The following LTF variants were observed in gnomAD, a reference collection of about 807,000 sequenced individuals.
LTF encodes epididymis luminal protein 110.
A neutral mutation model predicts 87.2 loss-of-function variants in LTF; 91 were observed. The ratio of observed to expected loss-of-function variants is 1.04; its 90% CI spans 0.88 to 1.24. LTF has a LOEUF of 1.24. Among genes scored for constraint, LTF ranks in the 50% most tolerant of loss-of-function variants. The pLI is 0.00. For missense variants in LTF, 901 were observed against 904.3 expected, an observed-to-expected ratio of 1.00 and a Z score of 0.05; for synonymous variants, 378 against 356.1, an observed-to-expected ratio of 1.06 and a Z score of -0.69.
chr3:46,439,694 C>G (rs537706370), intron 14 of LTF, among the ~76,000 whole-genome samples: 1 of 152,300 alleles, frequency 6.6e-6, no homozygotes, highest in Admixed American at 6.5e-5. Context: ...GAATGTTATT[C>G]AGCAATAAAA....
At chr3:46,473,821 A>G (rs115884168) in intron 1 of LTF, among the ~76,000 whole-genome samples, 152 of 152,340 alleles carry the variant, frequency 1.0e-3, no homozygotes, top group African/African-American at 3.3e-3. Flanking sequence ...TTGCCATTTA[A>G]GCTAACATAT....
At chr3:46,457,887 C>G (rs1393751927) in intron 2 of LTF, among the ~76,000 whole-genome samples, 1 of 152,114 alleles carries the variant, frequency 6.6e-6, no homozygotes, top group Non-Finnish European at 1.5e-5. Flanking sequence ...AAGCGATTCT[C>G]TTGCCTCAGC....
chr3:46,481,861 T>C (rs183693834), intron 1 of LTF, among the ~76,000 whole-genome samples: 1 of 152,324 alleles, frequency 6.6e-6, no homozygotes, highest in Non-Finnish European at 1.5e-5. Flanking sequence ...TAATGACTAA[T>C]GTGGGCTGGC....
chr3:46,462,068 C>T (rs1186052517), intron 1 of LTF, among the ~76,000 whole-genome samples: 1 of 152,152 alleles, frequency 6.6e-6, no homozygotes, highest in Non-Finnish European at 1.5e-5. Flanking sequence ...CGGGGAAATC[C>T]CAGGGAATAT....
chr3:46,443,047 G>A (rs1219748732), intron 13 of LTF, among the ~76,000 whole-genome samples: 1 of 152,234 alleles, frequency 6.6e-6, no homozygotes, highest in Non-Finnish European at 1.5e-5. Flanking sequence ...GGAAACCTAA[G>A]CCATAGTCAT....
chr3:46,450,382 T>C (rs1220527131), intron 7 of LTF, 113 bp downstream of exon 7: 4 of 1,139,434 alleles, frequency 3.5e-6, no homozygotes, highest in South Asian at 2.7e-5. Context: ...ATTAGTGTGC[T>C]ATCCTGCAGC....
chr3:46,462,966 G>A (rs1210679361), intron 1 of LTF, among the ~76,000 whole-genome samples: 2 of 152,160 alleles, frequency 1.3e-5, no homozygotes, highest in Non-Finnish European at 2.9e-5. Flanking sequence ...CTGAACCAGA[G>A]TGACTAAAGG....
intron 14 of LTF, among the ~76,000 whole-genome samples, chr3:46,440,328 A>T (rs1163435926): frequency 6.6e-6 from 1 of 152,248 alleles, no homozygotes; most frequent in Non-Finnish European, 1.5e-5. Flanking sequence ...AAATGCTATT[A>T]GTGTAACCAG....
intron 2 of LTF, 41 bp from the exon 3 acceptor site, chr3:46,456,439 A>G: frequency 2.6e-6 from 4 of 1,554,066 alleles, no homozygotes; most frequent in Non-Finnish European, 2.7e-6. Flanking sequence ...CAGAAAACTC[A>G]CCCAAACCCA....
At chr3:46,437,073 C>T (rs1702402577) in intron 16 of LTF, among the ~76,000 whole-genome samples, 1 of 152,180 alleles carries the variant, frequency 6.6e-6, no homozygotes, top group South Asian at 2.1e-4. Flanking sequence ...CCTAATGCCC[C>T]CAACTCTGGG....
intron 6 of LTF, among the ~76,000 whole-genome samples, chr3:46,452,089 C>T (rs974322207): frequency 3.3e-5 from 5 of 152,134 alleles, no homozygotes; most frequent in African/African-American, 1.2e-4. Flanking sequence ...GAAAAAGACA[C>T]ACTCTTATTT....
intron 1 of LTF, among the ~76,000 whole-genome samples, chr3:46,474,878 A>G (rs1703339399): frequency 6.6e-6 from 1 of 152,214 alleles, no homozygotes; most frequent in Admixed American, 6.5e-5. Flanking sequence ...AACCTCAAGT[A>G]AAACTTTTTT....
In LTF at chr3:46,464,897, G is replaced by C; in HGVS notation, c.-30C>G. On this transcript the variant is annotated 5_prime_UTR_variant, in exon 1 of 17. Transcript: ENST00000231751. ...GCGGTCTGGAGGCGACTTGGCAAAC[G>C]AAGGCTCTGCCACTTGCGCCTGCCC... 2 of 1,613,082 alleles carry C rather than the reference G, an allele frequency of 1.2e-6. No individual in the cohort carries two copies. Among genetic ancestry groups the C allele is most frequent in the Non-Finnish European group, 1.7e-6 (2 of 1,179,256 alleles).
In LTF at chr3:46,455,364, G is replaced by T. The variant is rs60938611; in HGVS notation, c.578C>A (p.Ala193Glu). 4 of 1,614,138 alleles carry T rather than the reference G, an allele frequency of 2.5e-6. No individual in the cohort carries two copies. The highest frequency in any genetic ancestry group is 3.4e-6 in the Non-Finnish European group (4 of 1,180,018). ...GGCACATTTGTTTTCCCCTGTCCCCGCACACAGGCGACACAGGTTGGGGAA... is the reference window on the plus strand; with the variant it reads ...GGCACATTTGTTTTCCCCTGTCCCCTCACACAGGCGACACAGGTTGGGGAA... The part of the protein sequence containing the change: ...GQFPNLCRLC[A>E]GTGENKCAFS... The change falls in exon 5 of 17, where the codon GCG becomes GAG. Residue 193 changes from alanine to glutamate, a missense_variant. By Grantham distance (107) the Ala-to-Glu change is moderately radical (BLOSUM62 -1). Transcript: ENST00000231751.
At chr3:46,450,736 A>G (rs1394422587) in intron 6 of LTF, 63 bp from the exon 7 acceptor site, 13 of 1,384,730 alleles carry the variant, frequency 9.4e-6, no homozygotes, top group African/African-American at 1.4e-5. Context: ...ACCTCGAGCT[A>G]TAGTTCCCCT....
upstream of LTF, among the ~76,000 whole-genome samples, chr3:46,467,372 G>A (rs545390716): frequency 2.6e-5 from 4 of 152,064 alleles, no homozygotes; most frequent in Non-Finnish European, 5.9e-5. Context: ...CTAAGAAGAG[G>A]CCAAGCAGCA....
intron 6 of LTF, chr3:46,453,891 G>A (rs1406187315): frequency 1.6e-5 from 3 of 183,040 alleles, no homozygotes; most frequent in Non-Finnish European, 3.5e-5. Flanking sequence ...TAGGACCCCT[G>A]AGCTAGACAT....
intron 11 of LTF, 76 bp from the exon 12 acceptor site, chr3:46,445,512 A>G (rs2269435): frequency 0.33 from 468,967 of 1,413,720 alleles, 82,478 homozygotes; most frequent in East Asian, 0.66. Flanking sequence ...GGAGCTGTCT[A>G]CAGCCCAGGC....
At chr3:46,458,134 C>A (rs558912602) in intron 2 of LTF, among the ~76,000 whole-genome samples, 21 of 152,002 alleles carry the variant, frequency 1.4e-4, no homozygotes, top group Admixed American at 2.6e-4. Flanking sequence ...TCAGAGCTGG[C>A]GCATATTCAT....
Sources: allele counts gnomAD v4.1 joint callset (sites outside exome capture counted in the v4.1 genomes callset), GRCh38; gene constraint gnomAD v4.1.1; transcripts MANE v1.5; gene names NCBI Gene and HGNC (gene_info 2026-07-23, HGNC 2026-07-21).